Variants in PRTFDC1 observed in about 807,000 individuals in gnomAD.
PRTFDC1 encodes phosphoribosyl transferase domain containing 1.
In PRTFDC1, 38 loss-of-function variants were observed where a neutral mutation model predicts 34.6. The ratio of observed to expected loss-of-function variants is 1.10; its 90% CI spans 0.85 to 1.44. The LOEUF is 1.44. Among genes scored for constraint, PRTFDC1 ranks in the 40% most tolerant of loss-of-function variants. The probability of loss-of-function intolerance (pLI) is 0.00; values close to 1 mark genes in which losing one functional copy is unlikely to be tolerated. For missense variants in PRTFDC1, 270 were observed against 283.0 expected, an observed-to-expected ratio of 0.95 and a Z score of 0.33; for synonymous variants, 93 against 98.1, an observed-to-expected ratio of 0.95 and a Z score of 0.31.
At chr10:24,895,222 G>A (rs1588598695) in intron 3 of PRTFDC1, among the ~76,000 whole-genome samples, 1 of 148,580 alleles carries the variant, frequency 6.7e-6, no homozygotes, top group African/African-American at 2.5e-5. Flanking sequence ...ATCCGAGTAG[G>A]ATTTGTCCTT....
intron 1 of PRTFDC1, among the ~76,000 whole-genome samples, chr10:24,942,871 CT>C (rs1358202329): frequency 3.3e-5 from 5 of 152,130 alleles, no homozygotes; most frequent in Admixed American, 1.3e-4. Context: ...TGGTCTTGAA[CT>C]CCTGACCTCA....
At chr10:24,904,045 T>C (rs1197796604) in intron 3 of PRTFDC1, among the ~76,000 whole-genome samples, 1 of 152,090 alleles carries the variant, frequency 6.6e-6, no homozygotes, top group African/African-American at 2.4e-5. Context: ...AAAGTATCAC[T>C]TTATTCCTTC....
At chr10:24,880,383 G>C in intron 3 of PRTFDC1, among the ~76,000 whole-genome samples, 1 of 151,924 alleles carries the variant, frequency 6.6e-6, no homozygotes. Flanking sequence ...CTCCCAGGTA[G>C]CTGGGATTAC....
At chr10:24,891,145 A>G (rs1223847988) in intron 3 of PRTFDC1, among the ~76,000 whole-genome samples, 1 of 152,234 alleles carries the variant, frequency 6.6e-6, no homozygotes, top group Non-Finnish European at 1.5e-5. Context: ...AGCTACATAG[A>G]AAATGACAAT....
At chr10:24,862,340 A>G (rs1441609959) in intron 4 of PRTFDC1, among the ~76,000 whole-genome samples, 6 of 151,972 alleles carry the variant, frequency 3.9e-5, no homozygotes, top group Non-Finnish European at 7.4e-5. Context: ...AATTTAGAAC[A>G]GTCTCTTTTG....
Position 24,855,300 on chromosome 10 carries a change from A to G in PRTFDC1, c.553+18T>C, listed in dbSNP as rs1417687631. On this transcript the variant is annotated intron_variant, in intron 7 of 8. Transcript: ENST00000320152. ...CAAAACAAACAAACAAACAAACAAA[A>G]AACTGAAAAACACTTACAGTCAGGT... is the stretch of plus-strand genomic sequence containing the variant. 5 of 1,608,714 alleles carry G rather than the reference A, an allele frequency of 3.1e-6. No individual in the cohort carries two copies. The highest frequency in any genetic ancestry group is 4.3e-6 in the Non-Finnish European group (5 of 1,176,106).
intron 3 of PRTFDC1, among the ~76,000 whole-genome samples, chr10:24,924,848 A>G (rs1848845212): frequency 6.6e-6 from 1 of 152,232 alleles, no homozygotes; most frequent in Non-Finnish European, 1.5e-5. Context: ...ATGGAGAAAT[A>G]GGAACACTTT....
intron 3 of PRTFDC1, among the ~76,000 whole-genome samples, chr10:24,922,126 A>G (rs557909791): frequency 6.6e-6 from 1 of 152,250 alleles, no homozygotes; most frequent in African/African-American, 2.4e-5. Flanking sequence ...ATAAAATACA[A>G]ATGGAATATG....
At chr10:24,942,198 C>T (rs1193662647) in intron 2 of PRTFDC1, 132 bp downstream of exon 2, 1 of 650,122 alleles carries the variant, frequency 1.5e-6, no homozygotes, top group Non-Finnish European at 2.8e-6. Flanking sequence ...AAATTCACTG[C>T]CCTATATAAA....
chr10:24,871,520 G>GA (rs1847866663), intron 4 of PRTFDC1, among the ~76,000 whole-genome samples: 1 of 151,636 alleles, frequency 6.6e-6, no homozygotes, highest in African/African-American at 2.4e-5. Context: ...GTTTTTAATA[G>GA]AAAAAAAGGC....
chr10:24,891,427 C>T (rs2132539095), intron 3 of PRTFDC1, among the ~76,000 whole-genome samples: 1 of 151,996 alleles, frequency 6.6e-6, no homozygotes, highest in Non-Finnish European at 1.5e-5. Context: ...TTGGATAAGC[C>T]CCTGTGACTT....
At chr10:24,872,967 G>GTGCCTGGCTAATTTTTT (rs1847903672) in intron 3 of PRTFDC1, among the ~76,000 whole-genome samples, 1 of 151,184 alleles carries the variant, frequency 6.6e-6, no homozygotes, top group Non-Finnish European at 1.5e-5. Flanking sequence ...ACATACCACA[G>GTGCCTGGCTAATTTTTT]TGCCTGGCTA....
chr10:24,951,029 G>A (rs566311918), intron 1 of PRTFDC1, among the ~76,000 whole-genome samples: 12 of 152,096 alleles, frequency 7.9e-5, no homozygotes, highest in Non-Finnish European at 1.2e-4. Context: ...CCATCACACC[G>A]CTAGGCTTGC....
intron 3 of PRTFDC1, among the ~76,000 whole-genome samples, chr10:24,916,988 T>C (rs1317885442): frequency 1.3e-5 from 2 of 152,176 alleles, no homozygotes; most frequent in African/African-American, 4.8e-5. Context: ...TGTATGTAGA[T>C]CCTCAGCTCA....
Position 24,856,918 on chromosome 10 carries a change from T to C in PRTFDC1, c.501A>G (p.Val167=), listed in dbSNP as rs1847587413. ...GCTATGAATGTCCAACTCACCTGGC[T>C]ACCTTAATCATGTTGGGCTTGTATT... is the stretch of plus-strand genomic sequence containing the variant. ...IEKYKPNMIK[V]ASLLVKRTSR... is the part of the protein sequence containing the mutation. Residue 167 remains valine (V), a synonymous_variant, in exon 6 of 9, where the codon GTA becomes GTG. Coordinates refer to ENST00000320152, the MANE Select transcript of PRTFDC1 (RefSeq NM_020200.7). 6.2e-7 allele frequency: 1 copy of C among 1,610,548 alleles called. No homozygotes were observed. The highest frequency in any genetic ancestry group is 1.7e-5 in the Admixed American group (1 of 59,994).
intron 3 of PRTFDC1, among the ~76,000 whole-genome samples, chr10:24,900,431 C>G (rs561654834): frequency 6.6e-5 from 10 of 152,292 alleles, no homozygotes; most frequent in African/African-American, 2.2e-4. Context: ...TAACTTAGAA[C>G]TTTTGCATCT....
At chr10:24,871,834 A>G (rs1485530171) in intron 4 of PRTFDC1, among the ~76,000 whole-genome samples, 164 bp downstream of exon 4, 2 of 152,174 alleles carry the variant, frequency 1.3e-5, no homozygotes, top group African/African-American at 4.8e-5. Context: ...TTCTAAAAAG[A>G]ATGTTTTAGA....
At chr10:24,857,959 T>C (rs1353352276) in intron 5 of PRTFDC1, among the ~76,000 whole-genome samples, 1 of 152,216 alleles carries the variant, frequency 6.6e-6, no homozygotes, top group East Asian at 1.9e-4. Context: ...TTTAATTGAT[T>C]GTGTTTATGA....
intron 7 of PRTFDC1, 91 bp from the exon 8 acceptor site, chr10:24,851,555 T>G: frequency 6.5e-7 from 1 of 1,532,100 alleles, no homozygotes. Context: ...CCACTCAAAC[T>G]TGAGGACCTT....
Sources: gnomAD v4.1 joint callset for allele counts (sites outside exome capture counted in the v4.1 genomes callset) on GRCh38, gnomAD v4.1.1 for gene constraint, MANE v1.5 for transcripts, NCBI Gene and HGNC (gene_info 2026-07-23, HGNC 2026-07-21) for gene names.